EHD3: variants seen among roughly 807,000 people sequenced by gnomAD.
EHD3 encodes EH domain-containing protein 3.
A neutral mutation model predicts 43.0 loss-of-function variants in EHD3; 17 were observed. That is an observed-to-expected ratio of 0.40 (90% confidence interval 0.27 to 0.59). The LOEUF is 0.59. EHD3 is among the 20% of genes least tolerant of loss of function. EHD3 has a pLI of 0.49. For synonymous variants in EHD3, 313 were observed against 289.5 expected (o/e 1.08, Z -0.82); for missense variants, 594 against 705.6 (o/e 0.84, Z 1.79).
intron 2 of EHD3, among the ~76,000 whole-genome samples, chr2:31,247,304 T>TA (rs1391545155): frequency 6.6e-6 from 1 of 152,138 alleles, no homozygotes; most frequent in African/African-American, 2.4e-5. Flanking sequence ...GGTTTTTTGT[T>TA]TTGTTTTGTT....
intron 2 of EHD3, among the ~76,000 whole-genome samples, chr2:31,247,479 GAAGGTGA>G (rs1683550124): frequency 6.6e-6 from 1 of 152,174 alleles, no homozygotes; most frequent in African/African-American, 2.4e-5. Context: ...TGAATAAAAT[GAAGGTGA>G]CTGAGGCAAG....
rs568318011 is a variant in EHD3, at chr2:31,240,350, A to G, written c.228-3924A>G. Among the ~76,000 whole-genome samples, 6 of 152,322 alleles carry G rather than the reference A, an allele frequency of 3.9e-5. No individual in the cohort carries two copies. The South Asian group carries it at 8.3e-4, about 21-fold the overall frequency. On this transcript the variant is annotated intron_variant, in intron 1 of 5. Transcript: ENST00000322054. ...ATGTTTTCTCCTGGCAACAGAGGCA[A>G]TCTGTATCGCTTCCCATAAAGAATC...
intron 1 of EHD3, among the ~76,000 whole-genome samples, chr2:31,240,806 T>G (rs1026173725): frequency 4.6e-5 from 7 of 152,202 alleles, no homozygotes; most frequent in Non-Finnish European, 1.5e-5. Context: ...ATGGTTCTTT[T>G]CAGCCCTCTC....
Position 31,269,186 on chromosome 2 carries a change from C to T in EHD3, c.*2482C>T, listed in dbSNP as rs1684007681. The stretch of plus-strand genomic sequence containing the variant: ...GGAAAGCAGAGACATGTCATGTCAG[C>T]CCCACAGACAAGAATTTCTAGAGCA... On this transcript the variant is annotated 3_prime_UTR_variant, in exon 6 of 6. Coordinates refer to ENST00000322054, the MANE Select transcript of EHD3 (RefSeq NM_014600.3). The T allele has an allele frequency of 6.6e-6, 1 of 152,188 alleles. No individual in the cohort carries two copies. The highest frequency in any genetic ancestry group is 1.5e-5 in the Non-Finnish European group (1 of 68,032). The allele number at this position is 152,188 out of a possible 1,614,324, so 9.4% of individuals were successfully genotyped here.
chr2:31,239,933 C>A (rs941265192), intron 1 of EHD3, among the ~76,000 whole-genome samples: 1 of 150,976 alleles, frequency 6.6e-6, no homozygotes, highest in Non-Finnish European at 1.5e-5. Flanking sequence ...AGAAGGGGCA[C>A]GTCGCTGAGC....
intron 4 of EHD3, 52 bp from the exon 5 acceptor site, chr2:31,261,497 G>A: frequency 6.3e-7 from 1 of 1,596,754 alleles, no homozygotes; most frequent in South Asian, 1.1e-5. Context: ...CTAGAAGGAA[G>A]GGACCGTCCA....
intron 3 of EHD3, among the ~76,000 whole-genome samples, chr2:31,253,225 C>A (rs1227861856): frequency 7.1e-6 from 1 of 140,226 alleles, no homozygotes. Context: ...CAACTCCCCT[C>A]TTCCCCACAG....
In EHD3 at chr2:31,234,537, C is replaced by A; in HGVS notation, c.-85C>A. 1 of 1,490,198 alleles carries A rather than the reference C, an allele frequency of 6.7e-7. No individual in the cohort carries two copies. The highest frequency in any genetic ancestry group is 1.2e-5 in the South Asian group (1 of 81,918). 92.3% of individuals were successfully genotyped at this position (1,490,198 alleles called of 1,614,324 possible). A position where few individuals can be genotyped will look rare whatever the true frequency, so the allele number is the denominator to read the frequency against. On this transcript the variant is annotated 5_prime_UTR_variant, in exon 1 of 6. Transcript: ENST00000322054. ...GGTGAGGCGGCGGCGCGGCTCGGAG[C>A]CCGGCGGACCGGTCCTACGGGACAT...
At chr2:31,252,627 A>G (rs1026590935) in intron 3 of EHD3, among the ~76,000 whole-genome samples, 5 of 152,172 alleles carry the variant, frequency 3.3e-5, no homozygotes, top group African/African-American at 1.2e-4. Flanking sequence ...GGCATGCGCC[A>G]CCACACCCAG....
intron 2 of EHD3, 144 bp from the exon 3 acceptor site, chr2:31,249,227 T>G (rs568349522): frequency 5.2e-4 from 369 of 709,356 alleles, no homozygotes; most frequent in South Asian, 7.8e-4. Flanking sequence ...AGCCACACCC[T>G]GAACTGGGCA....
Position 31,267,714 on chromosome 2 carries a change from G to C in EHD3, c.*1010G>C, listed in dbSNP as rs954823504. ...CAGGGCCTCAGACCCTCACACACTT[G>C]TCTGTGCTATGATGTATGCAGGATC... On this transcript the variant is annotated 3_prime_UTR_variant, in exon 6 of 6. Coordinates refer to ENST00000322054, the MANE Select transcript of EHD3 (RefSeq NM_014600.3). The C allele has an allele frequency of 2.0e-5, 3 of 152,312 alleles. No individual in the cohort carries two copies. The East Asian group carries it at 5.8e-4, about 29-fold the overall frequency. The allele number at this position is 152,312 out of a possible 1,614,324, so 9.4% of individuals were successfully genotyped here. A position where few individuals can be genotyped will look rare whatever the true frequency, so the allele number is the denominator to read the frequency against.
At chr2:31,242,889 G>A (rs769838224) in intron 1 of EHD3, among the ~76,000 whole-genome samples, 2 of 152,134 alleles carry the variant, frequency 1.3e-5, no homozygotes, top group African/African-American at 4.8e-5. Flanking sequence ...GAACCTGGGA[G>A]GCGGAGGTTG....
At chr2:31,253,226 T>C (rs1175329731) in intron 3 of EHD3, among the ~76,000 whole-genome samples, 1 of 124,406 alleles carries the variant, frequency 8.0e-6, no homozygotes. Context: ...AACTCCCCTC[T>C]TCCCCACAGC....
chr2:31,252,799 C>T (rs535071263), intron 3 of EHD3, among the ~76,000 whole-genome samples: 1 of 152,318 alleles, frequency 6.6e-6, no homozygotes, highest in East Asian at 1.9e-4. Flanking sequence ...GTCCCCCTAC[C>T]TCTGGGAGAA....
intron 1 of EHD3, among the ~76,000 whole-genome samples, chr2:31,241,936 C>T (rs1197044546): frequency 6.6e-6 from 1 of 152,236 alleles, no homozygotes; most frequent in African/African-American, 2.4e-5. Flanking sequence ...TGCCCTCTCA[C>T]TCTGATTATT....
chr2:31,240,758 G>T (rs2148715793), intron 1 of EHD3, among the ~76,000 whole-genome samples: 1 of 152,284 alleles, frequency 6.6e-6, no homozygotes, highest in Middle Eastern at 3.4e-3. Context: ...CTGCTGTTTG[G>T]CCCTGTTCAT....
At chr2:31,245,547 A>AT (rs1683500460) in intron 2 of EHD3, among the ~76,000 whole-genome samples, 2 of 83,172 alleles carry the variant, frequency 2.4e-5, no homozygotes, top group African/African-American at 1.2e-4. Context: ...ATATATATAT[A>AT]TATATATTTT....
At chr2:31,242,069 G>A (rs182286452) in intron 1 of EHD3, among the ~76,000 whole-genome samples, 2 of 152,270 alleles carry the variant, frequency 1.3e-5, no homozygotes, top group East Asian at 3.9e-4. Context: ...GCTTCCTCCA[G>A]GGCTGGCTGC....
At chr2:31,252,091 A>T (rs1030827776) in intron 3 of EHD3, among the ~76,000 whole-genome samples, 4 of 152,152 alleles carry the variant, frequency 2.6e-5, no homozygotes, top group African/African-American at 9.7e-5. Context: ...GTTTCCAAGG[A>T]CACTGTACTA....
Sources: gnomAD v4.1 joint callset for allele counts (sites outside exome capture counted in the v4.1 genomes callset) on GRCh38, gnomAD v4.1.1 for gene constraint, MANE v1.5 for transcripts, NCBI Gene and HGNC (gene_info 2026-07-23, HGNC 2026-07-21) for gene names.